The following ARHGEF10 variants were observed in gnomAD, a reference collection of about 807,000 sequenced individuals.
ARHGEF10 encodes Rho guanine nucleotide exchange factor (GEF) 10.
Under a neutral mutation model 147.4 loss-of-function variants are expected in ARHGEF10, and 140 were observed. The ratio of observed to expected loss-of-function variants is 0.95; its 90% CI spans 0.83 to 1.09. The LOEUF (loss-of-function observed/expected upper bound fraction) is 1.09. ARHGEF10 is among the 50% of genes least tolerant of loss of function. The pLI, the probability that ARHGEF10 is intolerant of heterozygous loss-of-function variation, is 0.00. For synonymous variants in ARHGEF10, 902 were observed against 695.8 expected, an observed-to-expected ratio of 1.30 and a Z score of -4.67; for missense variants, 2,222 against 1,752.7, an observed-to-expected ratio of 1.27 and a Z score of -4.78.
intron 2 of ARHGEF10, among the ~76,000 whole-genome samples, chr8:1,849,225 G>C (rs542911295): frequency 6.6e-6 from 1 of 152,350 alleles, no homozygotes; most frequent in African/African-American, 2.4e-5. Context: ...ATGCTGAGAA[G>C]GGTGTGGGGC....
intron 26 of ARHGEF10, among the ~76,000 whole-genome samples, chr8:1,942,314 C>T (rs187537856): frequency 1.3e-5 from 2 of 151,124 alleles, no homozygotes; most frequent in African/African-American, 4.9e-5. Flanking sequence ...ATGGATATTT[C>T]TCCAAAGAAG....
chr8:1,832,477 G>GAGAGACACAGGCAGAGGC (rs1803197200), intron 1 of ARHGEF10, among the ~76,000 whole-genome samples: 2 of 151,094 alleles, frequency 1.3e-5, no homozygotes, highest in Admixed American at 6.6e-5. Flanking sequence ...CAGAGGCAGA[G>GAGAGACACAGGCAGAGGC]AGAGACACAG....
rs748303216 is a variant in ARHGEF10, at chr8:1,903,353, A to G, written c.1723A>G (p.Thr575Ala). 3.7e-6 allele frequency: 6 copies of G among 1,614,188 alleles called. No homozygotes were observed. The South Asian group carries it at 6.6e-5, about 18-fold the overall frequency. The change falls in exon 16 of 29, where the codon ACA becomes GCA. Residue 575 changes from threonine to alanine, a missense_variant. Coordinates refer to ENST00000349830, the MANE Select transcript of ARHGEF10 (RefSeq NM_014629.4). ...TCAGATGGCCCTGACAGAGCTCGAA[A>G]CACTAGCAGAGAAGTTAAATGAAAG... ...PLQMALTELE[T>A]LAEKLNERKR...
chr8:1,901,338 C>CT (rs1021416084), intron 15 of ARHGEF10, among the ~76,000 whole-genome samples: 1 of 152,170 alleles, frequency 6.6e-6, no homozygotes, highest in African/African-American at 2.4e-5. Flanking sequence ...GCTCTCCGGT[C>CT]TTGCCTGCGT....
At chr8:1,844,982 GATA>G (rs1804441916) in intron 2 of ARHGEF10, among the ~76,000 whole-genome samples, 1 of 152,146 alleles carries the variant, frequency 6.6e-6, no homozygotes, top group East Asian at 1.9e-4. Context: ...ATAATGATAT[GATA>G]ATAATTAGTT....
chr8:1,882,372 C>G (rs755583409), intron 9 of ARHGEF10, among the ~76,000 whole-genome samples: 19 of 152,174 alleles, frequency 1.2e-4, no homozygotes, highest in Non-Finnish European at 2.6e-4. Context: ...CCACGTAGCT[C>G]TTTGTGTGAG....
chr8:1,923,716 A>T, intron 20 of ARHGEF10, 58 bp from the exon 21 acceptor site: 2 of 1,612,880 alleles, frequency 1.2e-6, no homozygotes, highest in Non-Finnish European at 1.7e-6. Context: ...TGTGTAATTT[A>T]ACCTCACAGG....
intron 15 of ARHGEF10, 84 bp downstream of exon 15, chr8:1,898,609 T>G (rs988019521): frequency 1.2e-5 from 17 of 1,368,940 alleles, no homozygotes; most frequent in Admixed American, 1.8e-5. Context: ...TCCTCCACTT[T>G]GGAATGGCTG....
chr8:1,882,766 C>G lies in ARHGEF10; in HGVS notation c.1075+17C>G. ...TCGCACAGGGTCCGTGCCTGCAGGT[C>G]TTCTTGCGGGGAGGACACGGGGTTG... is the stretch of plus-strand genomic sequence containing the variant. On this transcript the variant is annotated intron_variant, in intron 10 of 28. Coordinates refer to ENST00000349830, the MANE Select transcript of ARHGEF10 (RefSeq NM_014629.4). 1 of 1,471,146 alleles carries G rather than the reference C, an allele frequency of 6.8e-7. No individual in the cohort carries two copies. The highest frequency in any genetic ancestry group is 2.6e-5 in the East Asian group (1 of 38,878). The allele number at this position is 1,471,146 out of a possible 1,614,324, so 91.1% of individuals were successfully genotyped here.
intron 6 of ARHGEF10, 136 bp from the exon 7 acceptor site, chr8:1,869,058 A>AAC: frequency 1.5e-5 from 12 of 794,186 alleles, no homozygotes; most frequent in South Asian, 3.0e-5. Context: ...AAAAGTAAAA[A>AAC]ATAAAAAAAA....
At position 1,937,615 on chromosome 8, in the gene ARHGEF10, C is replaced by G. The variant is rs924594320; in HGVS notation, c.3222+3673C>G. Among the ~76,000 whole-genome samples, 11 of 152,210 alleles carry G rather than the reference C, an allele frequency of 7.2e-5. No homozygotes were observed. The highest frequency in any genetic ancestry group is 2.7e-4 in the African/African-American group (11 of 41,478). On this transcript the variant is annotated intron_variant, in intron 26 of 28. Transcript: ENST00000349830. The surrounding 1 kb of genome is among the most constrained non-coding windows in gnomAD (Gnocchi z 4.9). ...GAAGCAAAAATCTGCTCTCTGAAAA[C>G]ATGATATTCATCCTGTCGTTCCCGT...
intron 14 of ARHGEF10, among the ~76,000 whole-genome samples, chr8:1,898,210 A>G (rs1467898900): frequency 6.6e-6 from 1 of 152,232 alleles, no homozygotes; most frequent in Non-Finnish European, 1.5e-5. Flanking sequence ...CCTGGAGCTG[A>G]GGCCAACGTG....
At position 1,923,466 on chromosome 8, in the gene ARHGEF10, A is replaced by G. The variant is rs1812450867; in HGVS notation, c.2260-2A>G. Reference sequence around the variant, plus strand: ...AAATGTGCGTATTTATTTCCTTTGTAGAACTTAAACCAGTCAGTAGCCCAT... The same window carrying G: ...AAATGTGCGTATTTATTTCCTTTGTGGAACTTAAACCAGTCAGTAGCCCAT... On this transcript the variant is annotated splice_acceptor_variant, in intron 19 of 28. Transcript: ENST00000349830. LOFTEE classifies it high-confidence loss of function. The G allele has an allele frequency of 6.2e-7, 1 of 1,614,118 alleles. No homozygotes were observed.
At chr8:1,897,908 C>T (rs148820888) in intron 14 of ARHGEF10, among the ~76,000 whole-genome samples, 12 of 152,198 alleles carry the variant, frequency 7.9e-5, no homozygotes, top group Admixed American at 3.3e-4. Flanking sequence ...GCTGAGAGGC[C>T]GAGGCACAGC....
upstream of ARHGEF10, among the ~76,000 whole-genome samples, chr8:1,823,454 G>T (rs969587045): frequency 2.0e-5 from 3 of 152,172 alleles, no homozygotes; most frequent in East Asian, 1.9e-4. Flanking sequence ...TGTTCTGGGG[G>T]GGGGAGCGTC....
At chr8:1,940,533 A>T (rs1225658816) in intron 26 of ARHGEF10, among the ~76,000 whole-genome samples, 2 of 152,232 alleles carry the variant, frequency 1.3e-5, no homozygotes, top group Non-Finnish European at 2.9e-5. Flanking sequence ...AGATGGCTTC[A>T]TTGGTGAATT....
chr8:1,828,314 C>T (rs987350020), intron 1 of ARHGEF10, among the ~76,000 whole-genome samples: 7 of 152,362 alleles, frequency 4.6e-5, no homozygotes, highest in Non-Finnish European at 1.0e-4. Flanking sequence ...CAGTGCCTTC[C>T]TCTTAAAGTG....
At chr8:1,823,584 C>T (rs542454143), upstream of ARHGEF10, among the ~76,000 whole-genome samples, 6 of 151,898 alleles carry the variant, frequency 4.0e-5, no homozygotes, top group African/African-American at 1.2e-4. Context: ...AGCTCTGAGC[C>T]GGGAGCAGGC....
At chr8:1,932,573 T>C (rs1355541439) in intron 25 of ARHGEF10, among the ~76,000 whole-genome samples, 3 of 152,258 alleles carry the variant, frequency 2.0e-5, no homozygotes, top group Non-Finnish European at 4.4e-5. Context: ...AATCACATAA[T>C]GATAGACTGG....
Sources: gnomAD v4.1 joint callset for allele counts (sites outside exome capture counted in the v4.1 genomes callset) on GRCh38, gnomAD v4.1.1 for gene constraint, Gnocchi (gnomAD v3.1) non-coding constraint, MANE v1.5 for transcripts, NCBI Gene and HGNC (gene_info 2026-07-23, HGNC 2026-07-21) for gene names.